PCDHA4: variants seen among roughly 807,000 people sequenced by gnomAD.
PCDHA4 encodes protocadherin alpha-4.
Under a neutral mutation model 61.4 loss-of-function variants are expected in PCDHA4, and 49 were observed. The ratio of observed to expected loss-of-function variants is 0.80; its 90% CI spans 0.63 to 1.01. The LOEUF is 1.01. Ranked by LOEUF, PCDHA4 falls within the 50% of genes least tolerant of loss-of-function variation. The pLI, the probability that PCDHA4 is intolerant of heterozygous loss-of-function variation, is 0.00. For missense variants in PCDHA4, 1,254 were observed against 1,235.8 expected, an observed-to-expected ratio of 1.01 and a Z score of -0.22; for synonymous variants, 590 against 550.3, an observed-to-expected ratio of 1.07 and a Z score of -1.01.
chr5:140,870,504 C>T (rs782464928), intron 1 of PCDHA4: 13 of 1,614,114 alleles, frequency 8.1e-6, no homozygotes, highest in Middle Eastern at 3.3e-4. Context: ...AGGAGAACAA[C>T]CCACCAGGCT....
intron 1 of PCDHA4, chr5:140,882,627 A>G: frequency 6.2e-7 from 1 of 1,614,136 alleles, no homozygotes; most frequent in Non-Finnish European, 8.5e-7. Flanking sequence ...TTCCATGTGG[A>G]GGTGAAGGTG....
chr5:140,939,758 T>G (rs2092452335), intron 1 of PCDHA4, among the ~76,000 whole-genome samples: 1 of 152,234 alleles, frequency 6.6e-6, no homozygotes, highest in Non-Finnish European at 1.5e-5. Context: ...TGTCATTATA[T>G]AGTATTTCAG....
In PCDHA4 at chr5:140,856,749, C is replaced by T. The variant is rs146132566; in HGVS notation, c.2385+47177C>T. The T allele has an allele frequency of 1.3e-4, 214 of 1,595,860 alleles. 19 individuals carry two copies. In the Middle Eastern group the frequency reaches 4.3e-3, roughly 32 times the overall value. On this transcript the variant is annotated intron_variant, in intron 1 of 3. Transcript: ENST00000530339. ...TCTCTGCTGATCCTGGTGTTAGATGCCAATGATAACGCCCCTATCTTTGAC... is the reference window on the plus strand; with the variant it reads ...TCTCTGCTGATCCTGGTGTTAGATGTCAATGATAACGCCCCTATCTTTGAC...
chr5:140,809,801 A>G (rs1233967779), intron 1 of PCDHA4: 1 of 450,432 alleles, frequency 2.2e-6, no homozygotes. Flanking sequence ...TGTAATTTCT[A>G]GTAAATTTTC....
intron 1 of PCDHA4, chr5:140,929,943 A>G (rs996777609): frequency 1.3e-5 from 2 of 152,224 alleles, no homozygotes; most frequent in African/African-American, 4.8e-5. Flanking sequence ...TCTCTAGCCT[A>G]TACTTTTAAT....
At chr5:140,997,206 T>A (rs2097763489) in intron 3 of PCDHA4, among the ~76,000 whole-genome samples, 1 of 152,118 alleles carries the variant, frequency 6.6e-6, no homozygotes, top group Non-Finnish European at 1.5e-5. Context: ...ATTGACATCA[T>A]TATTGAAACT....
At chr5:140,957,490 G>T (rs921873894) in intron 1 of PCDHA4, among the ~76,000 whole-genome samples, 1 of 152,130 alleles carries the variant, frequency 6.6e-6, no homozygotes, top group South Asian at 2.1e-4. Context: ...CATAGTATAT[G>T]TAGAATTCAG....
intron 1 of PCDHA4, chr5:140,857,065 A>G (rs782608134): frequency 6.3e-7 from 1 of 1,594,864 alleles, no homozygotes; most frequent in Non-Finnish European, 8.6e-7. Flanking sequence ...TAGTGGAACT[A>G]CTGGATGAAA....
intron 1 of PCDHA4, chr5:140,884,631 A>G: frequency 2.5e-6 from 4 of 1,612,580 alleles, no homozygotes; most frequent in Non-Finnish European, 3.4e-6. Flanking sequence ...GGAACAGGCC[A>G]GAGGGAGGAG....
chr5:140,823,558 G>A, intron 1 of PCDHA4: 2 of 1,613,898 alleles, frequency 1.2e-6, no homozygotes, highest in Non-Finnish European at 1.7e-6. Flanking sequence ...GAAGGTGCGC[G>A]CAGTGGACCC....
At chr5:140,869,203 TC>T in intron 1 of PCDHA4, 30 of 1,614,000 alleles carry the variant, frequency 1.9e-5, no homozygotes, top group Non-Finnish European at 2.5e-5. Flanking sequence ...GCTCCACTAC[TC>T]CGTCTCGGAG....
chr5:140,808,805 G>A lies in PCDHA4; in HGVS notation c.1618G>A (p.Ala540Thr). The change falls in exon 1 of 4, where the codon GCC becomes ACC. Residue 540 changes from alanine (A) to threonine (T), a missense_variant. Ala to Thr is a moderately conservative substitution (Grantham distance 58). Transcript: ENST00000530339. ...LLQFQVTARDAGVPPLGSNVT... is the reference protein window; with the variant it reads ...LLQFQVTARDTGVPPLGSNVT... The stretch of plus-strand genomic sequence containing the variant: ...GCAGTTTCAGGTGACCGCTCGCGAT[G>A]CCGGCGTGCCACCTCTGGGCAGCAA... 2 of 1,612,690 alleles carry A rather than the reference G, an allele frequency of 1.2e-6. No individual in the cohort carries two copies. The highest frequency in any genetic ancestry group is 1.7e-6 in the Non-Finnish European group (2 of 1,179,882).
At chr5:140,857,246 T>C in intron 1 of PCDHA4, 1 of 1,598,642 alleles carries the variant, frequency 6.3e-7, no homozygotes, top group Non-Finnish European at 8.6e-7. Context: ...GGTGTCCACC[T>C]ACAAGAATTA....
At chr5:140,829,306 C>G (rs145661045) in intron 1 of PCDHA4, 10 of 1,614,134 alleles carry the variant, frequency 6.2e-6, no homozygotes, top group Non-Finnish European at 8.5e-6. Flanking sequence ...AGAATTACTA[C>G]TCGTTGGTGC....
chr5:141,010,353 G>T lies in PCDHA4; in HGVS notation c.*416G>T. On this transcript the variant is annotated 3_prime_UTR_variant, in exon 4 of 4. Transcript: ENST00000530339. Reference sequence around the variant, plus strand: ...AGTTTGTGGCCACTGGGTATGTGTGGCTACCGCGGGTATGCGAGTGCCAGA... The same window carrying T: ...AGTTTGTGGCCACTGGGTATGTGTGTCTACCGCGGGTATGCGAGTGCCAGA... The T allele has an allele frequency of 6.6e-7, 1 of 1,507,486 alleles. No homozygotes were observed. Among genetic ancestry groups the T allele is most frequent in the Non-Finnish European group, 8.9e-7 (1 of 1,128,244 alleles). 93.4% of individuals were successfully genotyped at this position (1,507,486 alleles called of 1,614,324 possible).
At position 140,888,063 on chromosome 5, in the gene PCDHA4, T is replaced by A. The variant is rs1412671068; in HGVS notation, c.2385+78491T>A. On this transcript the variant is annotated intron_variant, in intron 1 of 3. Coordinates refer to ENST00000530339, the MANE Select transcript of PCDHA4 (RefSeq NM_018907.4). Reference sequence around the variant, plus strand: ...TGTATAATAGATGTTTTAACTTTCTTGTCTGCTAATTTCAACATTTTTGTC... The same window carrying A: ...TGTATAATAGATGTTTTAACTTTCTAGTCTGCTAATTTCAACATTTTTGTC... Among the ~76,000 whole-genome samples the A allele has an allele frequency of 2.0e-5, 3 of 152,238 alleles. No homozygotes were observed. In the East Asian group the frequency reaches 5.8e-4, roughly 29 times the overall value.
At chr5:140,850,761 C>A in intron 1 of PCDHA4, 1 of 1,598,004 alleles carries the variant, frequency 6.3e-7, no homozygotes, top group East Asian at 2.2e-5. Flanking sequence ...GCAGAGGAGG[C>A]AGAGGGTGTG....
intron 1 of PCDHA4, chr5:140,967,561 G>T: frequency 6.2e-7 from 1 of 1,614,076 alleles, no homozygotes; most frequent in Non-Finnish European, 8.5e-7. Flanking sequence ...ATCGCGTCCA[G>T]CTACGGGAGG....
At chr5:140,969,529 T>G in intron 1 of PCDHA4, 7 of 1,377,800 alleles carry the variant, frequency 5.1e-6, no homozygotes, top group Non-Finnish European at 6.8e-6. Flanking sequence ...GTTTTATTTT[T>G]CATTTTCAGA....
Sources: allele counts gnomAD v4.1 joint callset (sites outside exome capture counted in the v4.1 genomes callset), GRCh38; gene constraint gnomAD v4.1.1; transcripts MANE v1.5; gene names NCBI Gene and HGNC (gene_info 2026-07-23, HGNC 2026-07-21).